ZDHHC13: variants seen among roughly 807,000 people sequenced by gnomAD.
The protein encoded by ZDHHC13 is zDHHC palmitoyltransferase 13, also known as palmitoyltransferase ZDHHC13.
A neutral mutation model predicts 86.0 loss-of-function variants in ZDHHC13; 85 were observed. The observed-to-expected ratio is 0.99, with a 90% CI of 0.83 to 1.18. The LOEUF (loss-of-function observed/expected upper bound fraction) is 1.18. ZDHHC13 is among the 50% of genes most tolerant of loss of function. The pLI is 0.00. For missense variants in ZDHHC13, 711 were observed against 730.2 expected (o/e 0.97, Z 0.30); for synonymous variants, 263 against 246.4 (o/e 1.07, Z -0.63).
intron 10 of ZDHHC13, among the ~76,000 whole-genome samples, chr11:19,162,791 G>A (rs918980283): frequency 1.2e-4 from 18 of 152,092 alleles, no homozygotes; most frequent in Non-Finnish European, 2.1e-4. Context: ...GTCGTGTGTC[G>A]ATCAGGATTT....
chr11:19,150,030 A>G (rs1849567557), intron 5 of ZDHHC13, among the ~76,000 whole-genome samples: 1 of 152,196 alleles, frequency 6.6e-6, no homozygotes, highest in African/African-American at 2.4e-5. Flanking sequence ...ATATAAATAT[A>G]TGAGGAAGAG....
At chr11:19,154,798 G>A (rs1384132003) in intron 8 of ZDHHC13, among the ~76,000 whole-genome samples, 1 of 152,074 alleles carries the variant, frequency 6.6e-6, no homozygotes, top group Non-Finnish European at 1.5e-5. Context: ...CTGGTCAGTT[G>A]TTCTTGGTTA....
intron 1 of ZDHHC13, among the ~76,000 whole-genome samples, chr11:19,124,796 A>G (rs2133361248): frequency 6.6e-6 from 1 of 152,266 alleles, no homozygotes; most frequent in African/African-American, 2.4e-5. Flanking sequence ...GATAAATCAG[A>G]ATTTACCTAT....
intron 1 of ZDHHC13, among the ~76,000 whole-genome samples, chr11:19,125,442 A>G (rs1439478759): frequency 6.6e-6 from 1 of 152,172 alleles, no homozygotes; most frequent in Non-Finnish European, 1.5e-5. Context: ...CTATACATCT[A>G]TTAGACTGAC....
chr11:19,172,688 C>G, intron 15 of ZDHHC13, 35 bp from the exon 16 acceptor site: 1 of 1,524,822 alleles, frequency 6.6e-7, no homozygotes, highest in South Asian at 1.2e-5. Context: ...AAGTTGCACA[C>G]TGAATGTGTG....
At chr11:19,142,905 G>A (rs1331025657) in intron 1 of ZDHHC13, 73 bp from the exon 2 acceptor site, 1 of 1,428,214 alleles carries the variant, frequency 7.0e-7, no homozygotes, top group Non-Finnish European at 9.4e-7. Flanking sequence ...GTTGATAGTA[G>A]CAAATGCTTC....
intron 1 of ZDHHC13, among the ~76,000 whole-genome samples, chr11:19,119,010 T>G (rs1848703694): frequency 6.6e-6 from 1 of 152,258 alleles, no homozygotes; most frequent in Non-Finnish European, 1.5e-5. Flanking sequence ...AAAACATTAC[T>G]GCTCTCATTG....
chr11:19,142,352 G>A (rs552463956), intron 1 of ZDHHC13, among the ~76,000 whole-genome samples: 1 of 152,178 alleles, frequency 6.6e-6, no homozygotes, highest in African/African-American at 2.4e-5. Context: ...TCTTGCTTCA[G>A]TTGGCTAAGA....
intron 16 of ZDHHC13, among the ~76,000 whole-genome samples, chr11:19,174,589 A>G (rs180833907): frequency 4.7e-4 from 72 of 152,376 alleles, no homozygotes; most frequent in Non-Finnish European, 8.2e-4. Flanking sequence ...TGGGTTAGGC[A>G]CTTAAAAGAT....
chr11:19,161,605 A>G (rs779067021), intron 10 of ZDHHC13, among the ~76,000 whole-genome samples: 1 of 151,840 alleles, frequency 6.6e-6, no homozygotes, highest in Non-Finnish European at 1.5e-5. Context: ...ATTGAATACA[A>G]TAAAATGGAA....
chr11:19,138,418 T>C (rs1269271030), intron 1 of ZDHHC13, among the ~76,000 whole-genome samples: 3 of 150,094 alleles, frequency 2.0e-5, no homozygotes, highest in Non-Finnish European at 4.5e-5. Context: ...GTGGCAATAA[T>C]CAATAGCTTA....
chr11:19,169,414 T>TA, intron 14 of ZDHHC13: 5 of 985,414 alleles, frequency 5.1e-6, no homozygotes, highest in Non-Finnish European at 6.0e-6. Flanking sequence ...ATCAGAGACT[T>TA]AAAGAGAAAA....
rs1429295722 is a variant in ZDHHC13 at position 19,138,592 on chromosome 11, C to T, written c.28-4386C>T. ...GCCAGCATCATCCTGATACCAAAGC[C>T]GGGCAGAGACACAACCAAAAAAGAG... is the stretch of plus-strand genomic sequence containing the variant. On this transcript the variant is annotated intron_variant, in intron 1 of 16. Coordinates refer to ENST00000446113, the MANE Select transcript of ZDHHC13 (RefSeq NM_019028.3). Among the ~76,000 whole-genome samples the T allele has an allele frequency of 7.4e-3, 1,126 of 151,734 alleles. 14 individuals are homozygous for T. The highest frequency in any genetic ancestry group is 0.023 in the African/African-American group (960 of 41,162).
At chr11:19,170,599 A>T (rs771304529) in intron 15 of ZDHHC13, 31 bp downstream of exon 15, 21 of 1,497,150 alleles carry the variant, frequency 1.4e-5, no homozygotes, top group Non-Finnish European at 1.9e-5. Context: ...AATGGCTTTG[A>T]GTAAAATTTC....
intron 14 of ZDHHC13, chr11:19,166,798 C>T (rs150355344): frequency 6.5e-6 from 1 of 154,468 alleles, no homozygotes; most frequent in African/African-American, 2.4e-5. Flanking sequence ...CTCTGAAAGC[C>T]CATGCCATTT....
intron 10 of ZDHHC13, among the ~76,000 whole-genome samples, chr11:19,159,992 C>T: frequency 6.6e-6 from 1 of 151,928 alleles, no homozygotes; most frequent in South Asian, 2.1e-4. Context: ...TCAGTGTGTT[C>T]ATTTAAACTT....
intron 1 of ZDHHC13, among the ~76,000 whole-genome samples, chr11:19,125,723 C>T (rs1469394001): frequency 6.6e-6 from 1 of 152,200 alleles, no homozygotes; most frequent in Non-Finnish European, 1.5e-5. Flanking sequence ...ATCTGTGACG[C>T]ACCCATATAG....
chr11:19,121,459 G>A (rs1158485827), intron 1 of ZDHHC13, among the ~76,000 whole-genome samples: 2 of 152,228 alleles, frequency 1.3e-5, no homozygotes, highest in Non-Finnish European at 1.5e-5. Context: ...TGCCCAGCAC[G>A]TAGTAGGCAT....
At chr11:19,126,931 G>A (rs543503820) in intron 1 of ZDHHC13, among the ~76,000 whole-genome samples, 2 of 152,142 alleles carry the variant, frequency 1.3e-5, no homozygotes, top group Non-Finnish European at 1.5e-5. Context: ...TCACATACAT[G>A]TGTCTTTATA....
Sources: allele counts gnomAD v4.1 joint callset (sites outside exome capture counted in the v4.1 genomes callset), GRCh38; gene constraint gnomAD v4.1.1; transcripts MANE v1.5; gene names NCBI Gene and HGNC (gene_info 2026-07-23, HGNC 2026-07-21).